Variants in CEP164 observed in about 807,000 individuals in gnomAD.
CEP164 encodes centrosomal protein of 164 kDa.
A neutral mutation model predicts 182.7 loss-of-function variants in CEP164; 162 were observed. The ratio of observed to expected loss-of-function variants is 0.89; its 90% CI spans 0.78 to 1.01. CEP164 has a LOEUF of 1.01. Among genes scored for constraint, CEP164 ranks in the 50% least tolerant of loss-of-function variants. The probability of loss-of-function intolerance (pLI) is 0.00; values close to 1 mark genes in which losing one functional copy is unlikely to be tolerated. For missense variants in CEP164, 1,735 were observed against 1,790.4 expected (o/e 0.97, Z 0.56); for synonymous variants, 661 against 690.0 (o/e 0.96, Z 0.66).
chr11:117,372,299 C>T (rs963535415), intron 9 of CEP164, among the ~76,000 whole-genome samples: 1 of 150,590 alleles, frequency 6.6e-6, no homozygotes, highest in East Asian at 2.0e-4. Context: ...AGTAGAGATG[C>T]GGTTTCGCCA....
At chr11:117,347,992 TAG>T (rs1199921386) in intron 4 of CEP164, among the ~76,000 whole-genome samples, 1 of 152,080 alleles carries the variant, frequency 6.6e-6, no homozygotes, top group Non-Finnish European at 1.5e-5. Flanking sequence ...GTTTTTGAGA[TAG>T]AGTCTTGCTC....
upstream of CEP164, among the ~76,000 whole-genome samples, chr11:117,325,141 G>C (rs1206993443): frequency 6.6e-6 from 1 of 151,926 alleles, no homozygotes; most frequent in Non-Finnish European, 1.5e-5. Context: ...CTGGAGTGCG[G>C]TGGCGTGATC....
chr11:117,390,327 G>A (rs2044476618), intron 15 of CEP164, among the ~76,000 whole-genome samples: 1 of 152,098 alleles, frequency 6.6e-6, no homozygotes. Context: ...TGGACCTAGA[G>A]GCTAAGGTTA....
At chr11:117,389,941 T>C (rs1415690477) in intron 15 of CEP164, among the ~76,000 whole-genome samples, 1 of 129,292 alleles carries the variant, frequency 7.7e-6, no homozygotes, top group Non-Finnish European at 1.8e-5. Context: ...TAGTTTGCTT[T>C]TTTTTTTTTT....
At position 117,412,630 on chromosome 11, in the gene CEP164, T is replaced by C. The variant is rs1467856971; in HGVS notation, c.*462T>C. 6.3e-6 allele frequency: 1 copy of C among 158,392 alleles called. No individual in the cohort carries two copies. The highest frequency in any genetic ancestry group is 1.4e-5 in the Non-Finnish European group (1 of 71,146). 9.8% of individuals were successfully genotyped at this position (158,392 alleles called of 1,614,324 possible). ...TGTGTACCCTGGGACCCGATTTCTC[T>C]GGGCCCACATCTATCTCCAATACCT... On this transcript the variant is annotated 3_prime_UTR_variant, in exon 33 of 33. Coordinates refer to ENST00000278935, the MANE Select transcript of CEP164 (RefSeq NM_014956.5).
intron 5 of CEP164, among the ~76,000 whole-genome samples, chr11:117,358,832 T>C (rs1278010740): frequency 6.6e-6 from 1 of 152,086 alleles, no homozygotes; most frequent in Non-Finnish European, 1.5e-5. Context: ...ACCATGTATG[T>C]CCTAGGCTCT....
At chr11:117,410,003 C>T in intron 30 of CEP164, 38 bp downstream of exon 30, 1 of 1,545,868 alleles carries the variant, frequency 6.5e-7, no homozygotes, top group East Asian at 2.3e-5. Flanking sequence ...CCACCTGCCT[C>T]CTCCTCCTCC....
intron 27 of CEP164, among the ~76,000 whole-genome samples, chr11:117,402,354 G>C (rs1008999129): frequency 7.9e-5 from 12 of 152,098 alleles, no homozygotes; most frequent in African/African-American, 2.7e-4. Flanking sequence ...CTGAGTAGCT[G>C]GGATTACAGG....
At chr11:117,361,338 T>C (rs1215823559) in intron 5 of CEP164, among the ~76,000 whole-genome samples, 1 of 149,866 alleles carries the variant, frequency 6.7e-6, no homozygotes, top group Non-Finnish European at 1.5e-5. Context: ...CCTCCCGGTT[T>C]CAAGTGATTC....
chr11:117,404,588 G>A lies in CEP164; in HGVS notation c.3502-3337G>A, dbSNP rs556648618. Among the ~76,000 whole-genome samples, 164 of 152,304 alleles carry A rather than the reference G, an allele frequency of 1.1e-3. 2 individuals carry two copies. The highest frequency in any genetic ancestry group is 3.5e-3 in the African/African-American group (147 of 41,570). ...AGCTCTCCTGTATGAGGTGTCTGTCGACCCCTGCTAGGCGGTGTCTCCCAG... is the reference window on the plus strand; with the variant it reads ...AGCTCTCCTGTATGAGGTGTCTGTCAACCCCTGCTAGGCGGTGTCTCCCAG... On this transcript the variant is annotated intron_variant, in intron 27 of 32. Coordinates refer to ENST00000278935, the MANE Select transcript of CEP164 (RefSeq NM_014956.5).
intron 4 of CEP164, among the ~76,000 whole-genome samples, 159 bp downstream of exon 4, chr11:117,344,436 G>T (rs550153341): frequency 2.0e-5 from 3 of 152,280 alleles, no homozygotes; most frequent in Non-Finnish European, 4.4e-5. Context: ...GCTATTTCAG[G>T]CTTCAGTGTA....
chr11:117,410,119 T>TG, intron 30 of CEP164, 154 bp downstream of exon 30: 1 of 783,710 alleles, frequency 1.3e-6, no homozygotes, highest in Non-Finnish European at 2.2e-6. Context: ...CATAGTCCAT[T>TG]GGTCCATTGA....
chr11:117,390,286 G>A (rs1423723376), intron 15 of CEP164, among the ~76,000 whole-genome samples: 2 of 152,170 alleles, frequency 1.3e-5, no homozygotes, highest in East Asian at 1.9e-4. Flanking sequence ...TGGTCCCTTC[G>A]TAATCCTGGG....
chr11:117,394,284 A>G lies in CEP164; in HGVS notation c.2617-66A>G. 1 of 1,546,108 alleles carries G rather than the reference A, an allele frequency of 6.5e-7. No individual in the cohort carries two copies. The highest frequency in any genetic ancestry group is 8.7e-7 in the Non-Finnish European group (1 of 1,143,022). On this transcript the variant is annotated intron_variant, in intron 20 of 32. Coordinates refer to ENST00000278935, the MANE Select transcript of CEP164 (RefSeq NM_014956.5). This position sits in a 1 kb window ranked among gnomAD's most constrained non-coding sequence, Gnocchi z 4.0. ...TGATGCAAGGCTGCAGGGCTAGGGG[A>G]GCTGTGATTTTTGTGGTAGAAGGGG...
rs1592382142 is a variant in CEP164, at chr11:117,394,417, A to G, written c.2684A>G (p.His895Arg). 6.2e-7 allele frequency: 1 copy of G among 1,613,816 alleles called. No individual in the cohort carries two copies. Among genetic ancestry groups the G allele is most frequent in the Non-Finnish European group, 8.5e-7 (1 of 1,179,908 alleles). The part of the protein sequence containing the change: ...TGELERLQRA[H>R]ERELETVRQE... ...GAGCTGGAGCGCCTGCAGAGGGCCC[A>G]TGAACGAGAACTGGAGACTGTGAGG... Residue 895 changes from histidine to arginine, a missense_variant, in exon 21 of 33, where the codon CAT becomes CGT. By Grantham distance (29) the His-to-Arg change is conservative. Coordinates refer to ENST00000278935, the MANE Select transcript of CEP164 (RefSeq NM_014956.5). The surrounding 1 kb of genome is among the most constrained non-coding windows in gnomAD (Gnocchi z 4.0).
chr11:117,329,760 A>G (rs1362885917), intron 1 of CEP164, among the ~76,000 whole-genome samples: 1 of 150,700 alleles, frequency 6.6e-6, no homozygotes, highest in African/African-American at 2.4e-5. Flanking sequence ...CAGGCTGGTC[A>G]GGATCTCCTG....
intron 11 of CEP164, 30 bp from the exon 12 acceptor site, chr11:117,380,584 C>T (rs1426120579): frequency 6.4e-7 from 1 of 1,560,270 alleles, no homozygotes; most frequent in East Asian, 2.4e-5. Context: ...GTCCCTCCAA[C>T]ACAAACTTTT....
At chr11:117,327,490 A>AG (rs2035525743), upstream of CEP164, among the ~76,000 whole-genome samples, 5 of 141,816 alleles carry the variant, frequency 3.5e-5, no homozygotes, top group Admixed American at 1.4e-4. Flanking sequence ...TTAGTAGAGA[A>AG]GGGGTTTCAC....
intron 2 of CEP164, chr11:117,336,325 A>T: frequency 6.7e-7 from 1 of 1,489,780 alleles, no homozygotes; most frequent in Admixed American, 1.7e-5. Context: ...GTCCGCTGTC[A>T]CTGCTGGTCT....
Sources: gnomAD v4.1 joint callset for allele counts (sites outside exome capture counted in the v4.1 genomes callset) on GRCh38, gnomAD v4.1.1 for gene constraint, Gnocchi (gnomAD v3.1) non-coding constraint, MANE v1.5 for transcripts, NCBI Gene and HGNC (gene_info 2026-07-23, HGNC 2026-07-21) for gene names.